The following CSMD1 variants were observed in gnomAD, a reference collection of about 807,000 sequenced individuals.
CSMD1 encodes CUB and Sushi multiple domains 1.
CSMD1 carries 213 observed loss-of-function variants against 417.5 expected under a neutral mutation model. The observed-to-expected ratio is 0.51, with a 90% CI of 0.46 to 0.57. The LOEUF (loss-of-function observed/expected upper bound fraction) is 0.57, where lower values mean the gene tolerates loss of function less well. Among genes scored for constraint, CSMD1 ranks in the 20% least tolerant of loss-of-function variants. The pLI is 0.00. For synonymous variants in CSMD1, 2,862 were observed against 1,736.8 expected (o/e 1.65, Z -16.11); for missense variants, 6,923 against 4,529.7 (o/e 1.53, Z -15.17).
chr8:4,260,352 G>T (rs766566903), intron 3 of CSMD1, among the ~76,000 whole-genome samples: 5 of 152,096 alleles, frequency 3.3e-5, no homozygotes, highest in Non-Finnish European at 7.4e-5. Context: ...CCACTGAGTT[G>T]CTATTGATTT....
intron 4 of CSMD1, among the ~76,000 whole-genome samples, chr8:4,010,323 T>C (rs139132099): frequency 5.6e-4 from 85 of 152,258 alleles, no homozygotes; most frequent in African/African-American, 1.8e-3. Context: ...CTTGTAGTCA[T>C]CTACAAACCC....
intron 3 of CSMD1, among the ~76,000 whole-genome samples, chr8:4,164,403 T>C (rs2131108381): frequency 6.6e-6 from 1 of 152,254 alleles, no homozygotes; most frequent in Non-Finnish European, 1.5e-5. Flanking sequence ...TTCAGGTAAG[T>C]GATGCTAATA....
intron 20 of CSMD1, among the ~76,000 whole-genome samples, chr8:3,361,903 G>A (rs1401922721): frequency 1.3e-5 from 2 of 152,006 alleles, no homozygotes; most frequent in East Asian, 3.9e-4. Context: ...TCTTGATTAG[G>A]CTTTCTAAGG....
intron 1 of CSMD1, among the ~76,000 whole-genome samples, chr8:4,826,091 T>C (rs1206319759): frequency 6.6e-6 from 1 of 151,852 alleles, no homozygotes; most frequent in Non-Finnish European, 1.5e-5. Context: ...CCTCAAAAAA[T>C]TAAAAATTGA....
intron 7 of CSMD1, among the ~76,000 whole-genome samples, chr8:3,660,388 C>T (rs1046120496): frequency 6.6e-6 from 1 of 151,836 alleles, no homozygotes; most frequent in East Asian, 1.9e-4. Flanking sequence ...AAAAAGTAAT[C>T]CACGTATGTT....
chr8:3,618,066 A>G (rs1802233188), intron 7 of CSMD1, among the ~76,000 whole-genome samples: 1 of 152,122 alleles, frequency 6.6e-6, no homozygotes, highest in Non-Finnish European at 1.5e-5. Context: ...CAGTGGCACA[A>G]TCATGGATCA....
intron 2 of CSMD1, among the ~76,000 whole-genome samples, chr8:4,486,772 T>G (rs1407173309): frequency 6.6e-6 from 1 of 152,128 alleles, no homozygotes; most frequent in Non-Finnish European, 1.5e-5. Context: ...AGAACCTGAG[T>G]GATAAACGAT....
chr8:4,379,232 C>A (rs957652753), intron 3 of CSMD1, among the ~76,000 whole-genome samples: 1 of 152,094 alleles, frequency 6.6e-6, no homozygotes, highest in African/African-American at 2.4e-5. Flanking sequence ...GGGAAAATAT[C>A]AGAAAGCCTC....
chr8:3,628,178 T>C (rs17396710), intron 7 of CSMD1, among the ~76,000 whole-genome samples: 15,082 of 152,234 alleles, frequency 0.099, 858 homozygotes, highest in African/African-American at 0.12. Context: ...ACTGAATCTC[T>C]ACCATTGTAA....
chr8:4,148,310 T>C (rs56283507), intron 3 of CSMD1, among the ~76,000 whole-genome samples: 43,553 of 140,236 alleles, frequency 0.31, 6,734 homozygotes, highest in Middle Eastern at 0.5. Context: ...TAGGTGGGAA[T>C]TGAACAATGA....
intron 10 of CSMD1, 141 bp downstream of exon 10, chr8:3,574,804 G>C (rs1301733145): frequency 1.7e-5 from 16 of 925,232 alleles, no homozygotes; most frequent in Admixed American, 2.6e-5. Context: ...GTGGCATCTA[G>C]ACACAGGATG....
chr8:4,380,237 C>A (rs1803015056), intron 3 of CSMD1, among the ~76,000 whole-genome samples: 3 of 152,162 alleles, frequency 2.0e-5, no homozygotes, highest in Non-Finnish European at 4.4e-5. Context: ...ACCAGAGTAA[C>A]CTTGCAGTGG....
At chr8:3,142,349 A>G in intron 41 of CSMD1, 116 bp downstream of exon 41, 1 of 934,606 alleles carries the variant, frequency 1.1e-6, no homozygotes, top group African/African-American at 1.7e-5. Flanking sequence ...ATTCCACCAA[A>G]AAATTATTCC....
intron 2 of CSMD1, among the ~76,000 whole-genome samples, chr8:4,456,842 T>C (rs770895168): frequency 4.6e-5 from 7 of 151,966 alleles, no homozygotes; most frequent in African/African-American, 7.3e-5. Context: ...GCAGGACCCA[T>C]CCTGACCAAG....
At chr8:4,160,363 C>T (rs888717473) in intron 3 of CSMD1, among the ~76,000 whole-genome samples, 3 of 152,040 alleles carry the variant, frequency 2.0e-5, no homozygotes, top group South Asian at 2.1e-4. Flanking sequence ...AGTAATGAAG[C>T]CAACTTTGGA....
chr8:3,218,029 A>G (rs988752778), intron 29 of CSMD1, among the ~76,000 whole-genome samples: 1 of 152,202 alleles, frequency 6.6e-6, no homozygotes, highest in Non-Finnish European at 1.5e-5. Flanking sequence ...TTGAAAAAAC[A>G]TATATTTATT....
At chr8:4,602,867 A>G (rs972337540) in intron 2 of CSMD1, among the ~76,000 whole-genome samples, 1 of 151,954 alleles carries the variant, frequency 6.6e-6, no homozygotes, top group African/African-American at 2.4e-5. Context: ...CTTTTATTAT[A>G]ATTATATAAA....
At chr8:3,429,010 G>A (rs1035584765) in intron 12 of CSMD1, among the ~76,000 whole-genome samples, 2 of 152,154 alleles carry the variant, frequency 1.3e-5, no homozygotes, top group African/African-American at 4.8e-5. Context: ...AGCAGAGGAT[G>A]GAATGGTGGT....
At chr8:4,866,416 T>G (rs959752101) in intron 1 of CSMD1, among the ~76,000 whole-genome samples, 1 of 152,054 alleles carries the variant, frequency 6.6e-6, no homozygotes, top group Non-Finnish European at 1.5e-5. Context: ...ATTGTTTCTC[T>G]AAGATAATCT....
Sources: allele counts gnomAD v4.1 joint callset (sites outside exome capture counted in the v4.1 genomes callset), GRCh38; gene constraint gnomAD v4.1.1; transcripts MANE v1.5; gene names NCBI Gene and HGNC (gene_info 2026-07-23, HGNC 2026-07-21).